Variants in TAF2 observed in about 807,000 individuals in gnomAD.
TAF2 encodes the protein TATA-box binding protein associated factor 2, also known as transcription initiation factor TFIID subunit 2.
Under a neutral mutation model 138.5 loss-of-function variants are expected in TAF2, and 61 were observed. The ratio of observed to expected loss-of-function variants is 0.44; its 90% CI spans 0.36 to 0.54. TAF2 has a LOEUF of 0.54. Among genes scored for constraint, TAF2 ranks in the 20% least tolerant of loss-of-function variants. The probability of loss-of-function intolerance (pLI) is 0.00; values close to 1 mark genes in which losing one functional copy is unlikely to be tolerated. For synonymous variants in TAF2, 475 were observed against 469.9 expected (o/e 1.01, Z -0.14); for missense variants, 1,090 against 1,427.9 (o/e 0.76, Z 3.81).
At chr8:119,756,426 C>T (rs1389038263) in intron 21 of TAF2, among the ~76,000 whole-genome samples, 2 of 152,112 alleles carry the variant, frequency 1.3e-5, no homozygotes. Flanking sequence ...TAAAACCTGA[C>T]TCCACATAAT....
At chr8:119,788,188 G>GT (rs1823160314) in intron 14 of TAF2, 150 bp downstream of exon 14, 1 of 665,108 alleles carries the variant, frequency 1.5e-6, no homozygotes, top group Admixed American at 2.2e-5. Context: ...GTACACCTAT[G>GT]TAACAAACCT....
chr8:119,757,849 T>A (rs547105678), intron 21 of TAF2, among the ~76,000 whole-genome samples: 20 of 152,040 alleles, frequency 1.3e-4, no homozygotes, highest in African/African-American at 3.9e-4. Context: ...TGAGCCGAGA[T>A]CGTGCCACTG....
Position 119,785,197 on chromosome 8 carries a change from T to A in TAF2, c.1859+4A>T. 1 of 1,610,772 alleles carries A rather than the reference T, an allele frequency of 6.2e-7. No individual in the cohort carries two copies. The highest frequency in any genetic ancestry group is 8.5e-7 in the Non-Finnish European group (1 of 1,177,268). ...TAACCTTATATTTAAGTTAACTAAC[T>A]TACTCCATTGCAGAAAGATCCATAT... is the stretch of plus-strand genomic sequence containing the variant. On this transcript the variant is annotated splice_donor_region_variant and intron_variant, in intron 15 of 25. Coordinates refer to ENST00000378164, the MANE Select transcript of TAF2 (RefSeq NM_003184.4).
At chr8:119,761,590 C>T (rs976782044) in intron 19 of TAF2, 1 of 152,146 alleles carries the variant, frequency 6.6e-6, no homozygotes, top group Non-Finnish European at 1.5e-5. Context: ...CACCTGAGTT[C>T]AGGAGTTCGA....
At chr8:119,819,205 G>C (rs991116619) in intron 3 of TAF2, 141 bp downstream of exon 3, 3 of 831,902 alleles carry the variant, frequency 3.6e-6, no homozygotes, top group African/African-American at 3.4e-5. Flanking sequence ...CAAATGTACA[G>C]AGTGGTAAAA....
intron 18 of TAF2, among the ~76,000 whole-genome samples, chr8:119,775,672 C>T (rs910720328): frequency 3.3e-5 from 5 of 151,792 alleles, no homozygotes; most frequent in African/African-American, 1.2e-4. Flanking sequence ...CAGCGTACTC[C>T]AGTCTGGGTG....
intron 22 of TAF2, among the ~76,000 whole-genome samples, chr8:119,752,249 T>C (rs28421406): frequency 0.46 from 70,497 of 151,828 alleles, 17,056 homozygotes; most frequent in African/African-American, 0.58. Context: ...AAACTACATA[T>C]AGAATGGGTT....
chr8:119,791,429 C>G lies in TAF2; in HGVS notation c.1308G>C (p.Lys436Asn). 2 of 1,613,584 alleles carry G rather than the reference C, an allele frequency of 1.2e-6. No individual in the cohort carries two copies. The highest frequency in any genetic ancestry group is 1.7e-5 in the Admixed American group (1 of 59,996). ...NPASHLHFSI[K>N]HPHTLSWEYY... is the part of the protein sequence containing the mutation. ...ATTCCCAGGACAGTGTATGTGGATG[C>G]TTTATTGAAAAGTGTAGATGGGAAG... is the stretch of plus-strand genomic sequence containing the variant. The change falls in exon 11 of 26, where the codon AAG becomes AAC. Residue 436 changes from lysine to asparagine, a missense_variant. Around this residue, in one of 3 missense-constraint regions of TAF2, gnomAD observed 504 missense variants for 680.9 expected, o/e 0.74. Coordinates refer to ENST00000378164, the MANE Select transcript of TAF2 (RefSeq NM_003184.4).
At chr8:119,784,946 T>C (rs1822912884) in intron 15 of TAF2, among the ~76,000 whole-genome samples, 1 of 152,190 alleles carries the variant, frequency 6.6e-6, no homozygotes, top group African/African-American at 2.4e-5. Context: ...GGAAGCTGCC[T>C]AGTCAAAGTT....
chr8:119,819,137 A>C (rs1393828422), intron 3 of TAF2, among the ~76,000 whole-genome samples: 1 of 152,174 alleles, frequency 6.6e-6, no homozygotes, highest in African/African-American at 2.4e-5. Context: ...TAAAGTTTTA[A>C]CATGAAGAAG....
At chr8:119,734,116 T>C (rs1339812142) in intron 25 of TAF2, among the ~76,000 whole-genome samples, 1 of 152,110 alleles carries the variant, frequency 6.6e-6, no homozygotes, top group African/African-American at 2.4e-5. Context: ...GAATTATGCC[T>C]AAAATGTCAA....
At chr8:119,799,348 T>G (rs2131198434) in intron 6 of TAF2, among the ~76,000 whole-genome samples, 1 of 146,998 alleles carries the variant, frequency 6.8e-6, no homozygotes, top group Non-Finnish European at 1.5e-5. Flanking sequence ...GATGTTCCCC[T>G]TCCTGTGTCC....
chr8:119,757,167 G>T (rs1293839127), intron 21 of TAF2, among the ~76,000 whole-genome samples: 6 of 152,108 alleles, frequency 3.9e-5, no homozygotes, highest in Non-Finnish European at 8.8e-5. Context: ...CCTTTTGGCT[G>T]CAATTTAATG....
chr8:119,771,248 T>C (rs758757116), intron 18 of TAF2, among the ~76,000 whole-genome samples: 2 of 152,030 alleles, frequency 1.3e-5, no homozygotes, highest in Non-Finnish European at 2.9e-5. Context: ...TCTTTTTTAC[T>C]TTTTTGAGAC....
chr8:119,761,390 C>T (rs1423901853), intron 19 of TAF2, among the ~76,000 whole-genome samples: 1 of 152,110 alleles, frequency 6.6e-6, no homozygotes, highest in East Asian at 1.9e-4. Context: ...GCATAAACAA[C>T]AAAATTGCCT....
Position 119,819,247 on chromosome 8 carries a change from C to G in TAF2, c.299+99G>C, listed in dbSNP as rs1029844605. ...AAGATTGGGATTCAAAGCCCATTAA[C>G]GATCCAAAAAAAAAATACTTTGAGA... On this transcript the variant is annotated intron_variant, in intron 3 of 25. Transcript: ENST00000378164. 3.6e-5 allele frequency: 46 copies of G among 1,279,284 alleles called. 1 individual carries two copies. The South Asian group carries it at 5.2e-4, about 14-fold the overall frequency. 79.2% of individuals were successfully genotyped at this position (1,279,284 alleles called of 1,614,324 possible). A position where few individuals can be genotyped will look rare whatever the true frequency, so the allele number is the denominator to read the frequency against.
At position 119,797,689 on chromosome 8, in the gene TAF2, G is replaced by T; in HGVS notation, c.950C>A (p.Ala317Asp). The part of the protein sequence containing the change: ...VFIDEAYVEV[A>D]AYASMSIFST... ...AAAAATGCTCATGGAAGCATAAGCA[G>T]CCACTTCAACATAAGCCTCATCAAT... The change falls in exon 7 of 26, where the codon GCT (alanine) becomes GAT (aspartate). Residue 317 changes from alanine (A) to aspartate (D), a missense_variant. Ala to Asp is a moderately radical substitution (Grantham distance 126). Around this residue, in one of 3 missense-constraint regions of TAF2, gnomAD observed 504 missense variants for 680.9 expected, o/e 0.74. Coordinates refer to ENST00000378164, the MANE Select transcript of TAF2 (RefSeq NM_003184.4). The T allele has an allele frequency of 1.2e-6, 2 of 1,613,250 alleles. No individual in the cohort carries two copies. The highest frequency in any genetic ancestry group is 8.5e-7 in the Non-Finnish European group (1 of 1,179,670).
At chr8:119,785,160 C>G in intron 15 of TAF2, 41 bp downstream of exon 15, 1 of 1,513,084 alleles carries the variant, frequency 6.6e-7, no homozygotes, top group Non-Finnish European at 9.2e-7. Flanking sequence ...GATGAGAATG[C>G]AGAAAGTATT....
rs1017413524 is a variant in TAF2, at chr8:119,744,602, G to A, written c.3109-209C>T. On this transcript the variant is annotated intron_variant, in intron 23 of 25. Transcript: ENST00000378164. ...TAAAAGAAGCCAATTAGAAATTACT[G>A]GAAATGTAATAGCAACTAAAATCTA... 9 of 577,598 alleles carry A rather than the reference G, an allele frequency of 1.6e-5. No homozygotes were observed. The Admixed American group carries it at 1.8e-4, about 12-fold the overall frequency. 35.8% of individuals were successfully genotyped at this position (577,598 alleles called of 1,614,324 possible).
Sources: allele counts gnomAD v4.1 joint callset (sites outside exome capture counted in the v4.1 genomes callset), GRCh38; gene constraint gnomAD v4.1.1; regional missense constraint gnomAD v4.1.1; transcripts MANE v1.5; gene names NCBI Gene and HGNC (gene_info 2026-07-23, HGNC 2026-07-21).